NOP58: variants seen among roughly 807,000 people sequenced by gnomAD.
NOP58 encodes NOP58 ribonucleoprotein, also known as nucleolar protein 58.
Under a neutral mutation model 71.2 loss-of-function variants are expected in NOP58, and 44 were observed. That is an observed-to-expected ratio of 0.62 (90% CI 0.49 to 0.79). The LOEUF (loss-of-function observed/expected upper bound fraction) is 0.79, where lower values mean the gene tolerates loss of function less well. NOP58 is among the 30% of genes least tolerant of loss of function. The probability of loss-of-function intolerance (pLI) is 0.00; values close to 1 mark genes in which losing one functional copy is unlikely to be tolerated. For missense variants in NOP58, 538 were observed against 620.2 expected (o/e 0.87, Z 1.41); for synonymous variants, 228 against 200.3 (o/e 1.14, Z -1.17).
At chr2:202,288,901 C>G in intron 6 of NOP58, among the ~76,000 whole-genome samples, 1 of 152,014 alleles carries the variant, frequency 6.6e-6, no homozygotes, top group Non-Finnish European at 1.5e-5. Context: ...GGTGAATTGC[C>G]TGAGCTCGGG....
At chr2:202,279,058 G>A (rs1688656522) in intron 3 of NOP58, among the ~76,000 whole-genome samples, 1 of 152,130 alleles carries the variant, frequency 6.6e-6, no homozygotes, top group South Asian at 2.1e-4. Context: ...TAAAAAGATA[G>A]CCTGTTCATC....
chr2:202,302,879 T>TA (rs1689116835), intron 13 of NOP58, 42 bp from the exon 14 acceptor site: 3 of 1,577,416 alleles, frequency 1.9e-6, no homozygotes, highest in Non-Finnish European at 2.6e-6. Flanking sequence ...TGAGATCTGA[T>TA]ACAGTGTTAA....
Position 202,278,017 on chromosome 2 carries a change from T to C in NOP58, c.175+15T>C, listed in dbSNP as rs779675441. The C allele has an allele frequency of 5.9e-6, 9 of 1,514,624 alleles. No individual in the cohort carries two copies. The highest frequency in any genetic ancestry group is 2.3e-5 in the East Asian group (1 of 44,382). The allele number at this position is 1,514,624 out of a possible 1,614,324, so 93.8% of individuals were successfully genotyped here. The stretch of plus-strand genomic sequence containing the variant: ...AGCATTAGCAGGTAAAGTAAAAAAT[T>C]AGAAGCTTGCTTTTTTGAAAAAATT... On this transcript the variant is annotated intron_variant, in intron 3 of 14. Transcript: ENST00000264279.
intron 3 of NOP58, among the ~76,000 whole-genome samples, chr2:202,278,650 A>AG (rs768380558): frequency 1.3e-5 from 2 of 152,216 alleles, no homozygotes; most frequent in African/African-American, 2.4e-5. Flanking sequence ...TAGGGAAAAC[A>AG]GGAAGAGCAG....
Position 202,300,309 on chromosome 2 carries a change from A to T in NOP58, c.1344A>T (p.Val448=). 1.2e-6 allele frequency: 2 copies of T among 1,601,480 alleles called. No homozygotes were observed. Among genetic ancestry groups the T allele is most frequent in the Admixed American group, 1.8e-5 (1 of 55,918 alleles). The part of the protein sequence containing the change: ...TCSKKRKIEQ[V]DKEDEITEKK... ...CTAAAAAACGCAAAATAGAACAGGTAGATAAAGAGGATGAAATTACTGAAA... is the reference window on the plus strand; with the variant it reads ...CTAAAAAACGCAAAATAGAACAGGTTGATAAAGAGGATGAAATTACTGAAA... The change falls in exon 13 of 15, where the codon GTA becomes GTT. Residue 448 remains valine (V), a synonymous_variant. Coordinates refer to ENST00000264279, the MANE Select transcript of NOP58 (RefSeq NM_015934.5).
Position 202,265,851 on chromosome 2 carries a change from C to T in NOP58, c.-91C>T, listed in dbSNP as rs1688403670. On this transcript the variant is annotated 5_prime_UTR_variant, in exon 1 of 15. Coordinates refer to ENST00000264279, the MANE Select transcript of NOP58 (RefSeq NM_015934.5). ...GCATTTGTGCTTTGCCCGCCGCGGC[C>T]TAGGAGGCCTTTTGAGGCCGCGTAG... 3 of 1,486,168 alleles carry T rather than the reference C, an allele frequency of 2.0e-6. No homozygotes were observed. Among genetic ancestry groups the T allele is most frequent in the East Asian group, 4.5e-5 (2 of 44,286 alleles). The allele number at this position is 1,486,168 out of a possible 1,614,324, so 92.1% of individuals were successfully genotyped here.
chr2:202,276,829 T>A (rs1483945602), intron 2 of NOP58, among the ~76,000 whole-genome samples: 5 of 151,460 alleles, frequency 3.3e-5, no homozygotes, highest in African/African-American at 4.9e-5. Flanking sequence ...CAGAGTGAAG[T>A]GAGACCCTGT....
At chr2:202,288,946 C>T (rs894952429) in intron 6 of NOP58, among the ~76,000 whole-genome samples, 1 of 152,042 alleles carries the variant, frequency 6.6e-6, no homozygotes, top group Non-Finnish European at 1.5e-5. Flanking sequence ...TGGCGAAACC[C>T]TGTCTTTACT....
chr2:202,297,469 A>G lies in NOP58; in HGVS notation c.1162A>G (p.Arg388Gly). Residue 388 changes from arginine (R) to glycine (G), a missense_variant, in exon 11 of 15, where the codon AGA (arginine) becomes GGA (glycine). Arg to Gly is a moderately radical substitution (Grantham distance 125). Coordinates refer to ENST00000264279, the MANE Select transcript of NOP58 (RefSeq NM_015934.5). The part of the protein sequence containing the change: ...DSSSAMGVEN[R>G]AKLEARLRTL... ...AAGTTCTGCAATGGGAGTTGAGAAC[A>G]GAGCCAAATTAGAGGCCAGGTTGAG... 3.1e-6 allele frequency: 5 copies of G among 1,614,098 alleles called. No individual in the cohort carries two copies. Among genetic ancestry groups the G allele is most frequent in the Non-Finnish European group, 4.2e-6 (5 of 1,179,946 alleles).
intron 6 of NOP58, among the ~76,000 whole-genome samples, chr2:202,289,436 T>G (rs1688849551): frequency 6.6e-6 from 1 of 152,256 alleles, no homozygotes; most frequent in Non-Finnish European, 1.5e-5. Flanking sequence ...CACAAAATTA[T>G]TTAAAATATT....
At chr2:202,272,993 G>T (rs1355715427) in intron 1 of NOP58, among the ~76,000 whole-genome samples, 1 of 152,130 alleles carries the variant, frequency 6.6e-6, no homozygotes, top group Non-Finnish European at 1.5e-5. Flanking sequence ...AATTAGCCAG[G>T]TGTGGTGGCA....
chr2:202,292,971 A>G, intron 9 of NOP58, 68 bp downstream of exon 9: 2 of 1,555,554 alleles, frequency 1.3e-6, no homozygotes, highest in Non-Finnish European at 1.8e-6. Context: ...TTTTGTTTAC[A>G]TCTTTAAACT....
intron 2 of NOP58, among the ~76,000 whole-genome samples, chr2:202,277,262 G>A (rs1451806942): frequency 3.3e-5 from 5 of 149,814 alleles, no homozygotes; most frequent in Non-Finnish European, 4.4e-5. Flanking sequence ...CCGAGATTGC[G>A]CCACTGCACT....
At chr2:202,300,578 A>G (rs1310685433) in intron 13 of NOP58, among the ~76,000 whole-genome samples, 1 of 152,240 alleles carries the variant, frequency 6.6e-6, no homozygotes, top group African/African-American at 2.4e-5. Flanking sequence ...GTTTAGTCAA[A>G]TTAGGTATTT....
intron 13 of NOP58, among the ~76,000 whole-genome samples, chr2:202,302,289 C>G (rs1689108249): frequency 6.6e-6 from 1 of 151,948 alleles, no homozygotes; most frequent in South Asian, 2.1e-4. Flanking sequence ...AGGATTTCAC[C>G]ATGTTGGCCA....
intron 9 of NOP58, among the ~76,000 whole-genome samples, chr2:202,293,790 G>A (rs7595169): frequency 0.12 from 18,810 of 151,956 alleles, 3,935 homozygotes; most frequent in African/African-American, 0.43. Flanking sequence ...GGCCAGGCTG[G>A]TCTCAAACTC....
rs780941347 is a variant in NOP58, at chr2:202,271,400, C to CA, written c.46-3696dup. Among the ~76,000 whole-genome samples the CA allele has an allele frequency of 4.3e-3, 494 of 115,034 alleles. 1 individual carries two copies. The highest frequency in any genetic ancestry group is 9.5e-3 in the South Asian group (35 of 3,698). 75.5% of individuals were successfully genotyped at this position (115,034 alleles called of 152,430 possible). Reference sequence around the variant, plus strand: ...GTGCAACCCCGACTTTACTAAAATACAAAAAAAAAAAAAAAAATTAGCCAG... The same window carrying CA: ...GTGCAACCCCGACTTTACTAAAATACAAAAAAAAAAAAAAAAAATTAGCCAG... On this transcript the variant is annotated intron_variant, in intron 1 of 14. Coordinates refer to ENST00000264279, the MANE Select transcript of NOP58 (RefSeq NM_015934.5).
chr2:202,297,932 G>A lies in NOP58; in HGVS notation c.1268+26G>A, dbSNP rs762021472. On this transcript the variant is annotated intron_variant, in intron 12 of 14. Coordinates refer to ENST00000264279, the MANE Select transcript of NOP58 (RefSeq NM_015934.5). Reference sequence around the variant, plus strand: ...GTGAGTACATTTAAGTGAGGATGGGGTGAATAGTTTTTTTAAATGTTAATT... The same window carrying A: ...GTGAGTACATTTAAGTGAGGATGGGATGAATAGTTTTTTTAAATGTTAATT... The A allele has an allele frequency of 1.6e-5, 22 of 1,387,768 alleles. No homozygotes were observed. In the South Asian group the frequency reaches 2.8e-4, roughly 18 times the overall value. The allele number at this position is 1,387,768 out of a possible 1,614,324, so 86.0% of individuals were successfully genotyped here. A position where few individuals can be genotyped will look rare whatever the true frequency, so the allele number is the denominator to read the frequency against.
chr2:202,272,016 T>C (rs182767944), intron 1 of NOP58, among the ~76,000 whole-genome samples: 2 of 151,974 alleles, frequency 1.3e-5, no homozygotes, highest in East Asian at 3.9e-4. Context: ...GTCCATAATA[T>C]AGCACATCTA....
Sources: gnomAD v4.1 joint callset for allele counts (sites outside exome capture counted in the v4.1 genomes callset) on GRCh38, gnomAD v4.1.1 for gene constraint, MANE v1.5 for transcripts, NCBI Gene and HGNC (gene_info 2026-07-23, HGNC 2026-07-21) for gene names.